Variants in ZRANB3 observed in about 807,000 individuals in gnomAD.
ZRANB3 encodes zinc finger RANBP2-type containing 3, also known as DNA annealing helicase and endonuclease ZRANB3.
ZRANB3 carries 125 observed loss-of-function variants against 133.8 expected under a neutral mutation model. That is an observed-to-expected ratio of 0.93 (90% CI 0.81 to 1.08). The LOEUF is 1.08. ZRANB3 is among the 50% of genes least tolerant of loss of function. ZRANB3 has a pLI of 0.00. For synonymous variants in ZRANB3, 387 were observed against 432.7 expected (o/e 0.89, Z 1.31); for missense variants, 1,229 against 1,275.5 (o/e 0.96, Z 0.56).
chr2:135,226,847 C>G (rs1282662032), intron 14 of ZRANB3, among the ~76,000 whole-genome samples: 1 of 151,644 alleles, frequency 6.6e-6, no homozygotes, highest in Non-Finnish European at 1.5e-5. Context: ...TATAACCCAC[C>G]TGAGTCTACA....
At chr2:135,220,466 G>A (rs968734748) in intron 15 of ZRANB3, among the ~76,000 whole-genome samples, 6 of 151,876 alleles carry the variant, frequency 4.0e-5, no homozygotes, top group African/African-American at 7.3e-5. Context: ...TTGGGAGGCC[G>A]AGGCAGGAGG....
At chr2:135,514,829 GAC>G (rs1228189266) in intron 1 of ZRANB3, among the ~76,000 whole-genome samples, 2 of 151,886 alleles carry the variant, frequency 1.3e-5, no homozygotes, top group African/African-American at 2.4e-5. Context: ...CTAGTTTATT[GAC>G]AGTTTTTTTT....
At chr2:135,337,896 C>T (rs1161967668) in intron 6 of ZRANB3, among the ~76,000 whole-genome samples, 2 of 152,098 alleles carry the variant, frequency 1.3e-5, no homozygotes, top group African/African-American at 4.8e-5. Flanking sequence ...AGAAGAATCC[C>T]TGTTTTGCTC....
intron 2 of ZRANB3, among the ~76,000 whole-genome samples, chr2:135,391,746 A>AT (rs1317984992): frequency 4.0e-5 from 6 of 151,824 alleles, no homozygotes; most frequent in Non-Finnish European, 8.8e-5. Flanking sequence ...CGCCAGGCTA[A>AT]TTTTTTGTAT....
intron 6 of ZRANB3, among the ~76,000 whole-genome samples, chr2:135,331,973 A>C (rs1684167598): frequency 6.6e-6 from 1 of 152,184 alleles, no homozygotes; most frequent in South Asian, 2.1e-4. Context: ...AATAAAAGTA[A>C]AGGAAATGAA....
intron 3 of ZRANB3, among the ~76,000 whole-genome samples, chr2:135,368,896 C>G (rs930965911): frequency 6.6e-6 from 1 of 151,910 alleles, no homozygotes; most frequent in Non-Finnish European, 1.5e-5. Flanking sequence ...AAAATTTCAG[C>G]AGACAGCATT....
At chr2:135,366,341 T>C (rs375726671) in intron 3 of ZRANB3, among the ~76,000 whole-genome samples, 1 of 152,102 alleles carries the variant, frequency 6.6e-6, no homozygotes, top group Non-Finnish European at 1.5e-5. Context: ...TTAACTTACC[T>C]AATGGTTACT....
chr2:135,365,540 T>C (rs951206154), intron 3 of ZRANB3, among the ~76,000 whole-genome samples: 2 of 152,146 alleles, frequency 1.3e-5, no homozygotes, highest in East Asian at 3.8e-4. Flanking sequence ...AAATATAACA[T>C]ATTCTTAAAA....
chr2:135,403,300 G>A (rs1687830187), intron 2 of ZRANB3, among the ~76,000 whole-genome samples: 1 of 152,052 alleles, frequency 6.6e-6, no homozygotes, highest in South Asian at 2.1e-4. Flanking sequence ...CACACCAGGA[G>A]ATTATATCCC....
chr2:135,330,418 G>C (rs570618401), intron 6 of ZRANB3, among the ~76,000 whole-genome samples: 1 of 152,300 alleles, frequency 6.6e-6, no homozygotes, highest in Non-Finnish European at 1.5e-5. Context: ...CTTGATCGTG[G>C]TGGATAAGCT....
At chr2:135,362,370 G>C (rs144955065) in intron 3 of ZRANB3, among the ~76,000 whole-genome samples, 118 of 152,314 alleles carry the variant, frequency 7.7e-4, no homozygotes, top group African/African-American at 2.7e-3. Flanking sequence ...TCACTTTCCT[G>C]ATGGTTGGTT....
intron 2 of ZRANB3, among the ~76,000 whole-genome samples, chr2:135,401,476 C>T (rs1687728152): frequency 6.6e-6 from 1 of 152,158 alleles, no homozygotes; most frequent in Admixed American, 6.5e-5. Flanking sequence ...CCCTCACAAA[C>T]ACACCCTGTC....
intron 11 of ZRANB3, 26 bp from the exon 12 acceptor site, chr2:135,265,712 T>A: frequency 1.2e-6 from 2 of 1,601,316 alleles, no homozygotes; most frequent in Non-Finnish European, 1.7e-6. Flanking sequence ...GTAAATGAAT[T>A]TTTGAGCAGT....
chr2:135,415,422 C>G (rs780558622), intron 2 of ZRANB3, among the ~76,000 whole-genome samples: 4 of 152,188 alleles, frequency 2.6e-5, no homozygotes, highest in Non-Finnish European at 2.9e-5. Context: ...AGTTGAATCT[C>G]TGAACAGACC....
At chr2:135,340,654 G>A (rs1306019460) in intron 6 of ZRANB3, among the ~76,000 whole-genome samples, 1 of 151,928 alleles carries the variant, frequency 6.6e-6, no homozygotes, top group African/African-American at 2.4e-5. Flanking sequence ...GACCAGCCTG[G>A]CCAACATGGG....
chr2:135,437,998 G>A (rs1028288634), intron 2 of ZRANB3, among the ~76,000 whole-genome samples: 3 of 152,118 alleles, frequency 2.0e-5, no homozygotes, highest in Non-Finnish European at 4.4e-5. Flanking sequence ...TGCTTGAGCT[G>A]GGAAATACAT....
At chr2:135,201,522 G>A (rs1203370607) in intron 20 of ZRANB3, among the ~76,000 whole-genome samples, 1 of 151,798 alleles carries the variant, frequency 6.6e-6, no homozygotes, top group Non-Finnish European at 1.5e-5. Context: ...GTGTGGTGGC[G>A]GGTGCCTGTA....
At chr2:135,366,817 G>C (rs1358496964) in intron 3 of ZRANB3, among the ~76,000 whole-genome samples, 1 of 151,928 alleles carries the variant, frequency 6.6e-6, no homozygotes, top group Non-Finnish European at 1.5e-5. Flanking sequence ...AGGAGATCGA[G>C]ACCATCCTGT....
At chr2:135,488,073 T>C (rs1260565541) in intron 2 of ZRANB3, among the ~76,000 whole-genome samples, 1 of 152,140 alleles carries the variant, frequency 6.6e-6, no homozygotes, top group African/African-American at 2.4e-5. Flanking sequence ...TGTAGGGTTA[T>C]TAACTGACCT....
Sources: allele counts gnomAD v4.1 joint callset (sites outside exome capture counted in the v4.1 genomes callset), GRCh38; gene constraint gnomAD v4.1.1; transcripts MANE v1.5; gene names NCBI Gene and HGNC (gene_info 2026-07-23, HGNC 2026-07-21).